AKAP12: variants seen among roughly 807,000 people sequenced by gnomAD.
AKAP12 encodes the protein A-kinase anchor protein 12.
In AKAP12, 32 loss-of-function variants were observed where a neutral mutation model predicts 79.9. The ratio of observed to expected loss-of-function variants is 0.40; its 90% CI spans 0.30 to 0.54. AKAP12 has a LOEUF of 0.54. Among genes scored for constraint, AKAP12 ranks in the 20% least tolerant of loss-of-function variants. AKAP12 has a pLI of 0.48. For missense variants in AKAP12, 2,074 were observed against 2,177.0 expected, an observed-to-expected ratio of 0.95 and a Z score of 0.94; for synonymous variants, 808 against 857.0, an observed-to-expected ratio of 0.94 and a Z score of 1.00.
At chr6:151,341,698 G>A in intron 3 of AKAP12, 1 of 1,247,668 alleles carries the variant, frequency 8.0e-7, no homozygotes, top group Non-Finnish European at 1.0e-6. Flanking sequence ...TGAGTAGCAC[G>A]TGCACCCAAG....
chr6:151,348,470 CT>C, intron 3 of AKAP12: 2 of 583,200 alleles, frequency 3.4e-6, no homozygotes, highest in Non-Finnish European at 6.3e-6. Context: ...GAGATCTCAT[CT>C]CTACAGAAAA....
intron 3 of AKAP12, among the ~76,000 whole-genome samples, chr6:151,339,651 T>C (rs7451577): frequency 0.28 from 42,133 of 152,056 alleles, 9,278 homozygotes; most frequent in African/African-American, 0.61. Flanking sequence ...TTCTGTGGAT[T>C]TGGGCCAATA....
At chr6:151,355,148 C>G (rs572726497) in intron 4 of AKAP12, among the ~76,000 whole-genome samples, 1 of 151,046 alleles carries the variant, frequency 6.6e-6, no homozygotes, top group Non-Finnish European at 1.5e-5. Context: ...GATAACACAC[C>G]ACCATGCCCA....
intron 2 of AKAP12, among the ~76,000 whole-genome samples, chr6:151,275,069 A>G (rs1484348535): frequency 2.6e-5 from 4 of 152,106 alleles, no homozygotes; most frequent in Non-Finnish European, 5.9e-5. Flanking sequence ...GCGCCACTGC[A>G]CTTCAGCCTG....
chr6:151,267,132 T>TA lies in AKAP12; in HGVS notation c.162+26417dup, dbSNP rs111825651. 4.7e-3 allele frequency among the ~76,000 whole-genome samples: 714 copies of TA among 150,564 alleles called. 4 individuals are homozygous for TA. The highest frequency in any genetic ancestry group is 0.013 in the African/African-American group (537 of 40,980). The stretch of plus-strand genomic sequence containing the variant: ...TTCATTTCTCTTTCTTGAGATTTTG[T>TA]AAAAAAAAACCAGCAGACAGATCAA... On this transcript the variant is annotated intron_variant, in intron 2 of 4. Transcript: ENST00000402676.
intron 2 of AKAP12, among the ~76,000 whole-genome samples, chr6:151,245,679 A>G (rs944585155): frequency 5.9e-5 from 9 of 151,480 alleles, no homozygotes; most frequent in Non-Finnish European, 8.8e-5. Flanking sequence ...AAAAAAAATC[A>G]AAAGCATGTG....
At position 151,264,499 on chromosome 6, in the gene AKAP12, C is replaced by T. The variant is rs1409068141; in HGVS notation, c.162+23775C>T. Among the ~76,000 whole-genome samples the T allele has an allele frequency of 1.3e-5, 2 of 151,108 alleles. 1 individual carries two copies. Among genetic ancestry groups the T allele is most frequent in the South Asian group, 4.2e-4 (2 of 4,780 alleles). Reference sequence around the variant, plus strand: ...CAGCTTGACCAACATGGAGAAACCCCGTCTCTACTAAAAATAGAAAAATTA... The same window carrying T: ...CAGCTTGACCAACATGGAGAAACCCTGTCTCTACTAAAAATAGAAAAATTA... On this transcript the variant is annotated intron_variant, in intron 2 of 4. Coordinates refer to ENST00000402676, the MANE Select transcript of AKAP12 (RefSeq NM_005100.4).
chr6:151,272,360 C>CA (rs1176544361), intron 2 of AKAP12, among the ~76,000 whole-genome samples: 10 of 124,038 alleles, frequency 8.1e-5, no homozygotes, highest in East Asian at 6.6e-4. Flanking sequence ...AAAAAAAAAA[C>CA]AAAAAAAACA....
At chr6:151,252,405 A>G (rs752686392) in intron 2 of AKAP12, among the ~76,000 whole-genome samples, 1 of 152,120 alleles carries the variant, frequency 6.6e-6, no homozygotes, top group Non-Finnish European at 1.5e-5. Context: ...TATGTTGGCC[A>G]GGCTGGTCTC....
At chr6:151,252,753 A>AAAG (rs1797208940) in intron 2 of AKAP12, among the ~76,000 whole-genome samples, 1 of 151,662 alleles carries the variant, frequency 6.6e-6, no homozygotes, top group South Asian at 2.1e-4. Flanking sequence ...AAAAAAAAAA[A>AAAG]AGATGAGAAA....
At chr6:151,252,266 T>C (rs1582833301) in intron 2 of AKAP12, among the ~76,000 whole-genome samples, 1 of 151,586 alleles carries the variant, frequency 6.6e-6, no homozygotes, top group Non-Finnish European at 1.5e-5. Context: ...CAGCGCGATC[T>C]CAGCTTACTG....
At chr6:151,240,129 TG>T (rs1045352641) in intron 1 of AKAP12, 70 bp downstream of exon 1, 1 of 158,684 alleles carries the variant, frequency 6.3e-6, no homozygotes, top group African/African-American at 2.4e-5. Context: ...CCTGCTCTCT[TG>T]CCTTCTGAGG....
intron 2 of AKAP12, among the ~76,000 whole-genome samples, chr6:151,270,286 A>G (rs1320085877): frequency 6.6e-6 from 1 of 152,168 alleles, no homozygotes; most frequent in African/African-American, 2.4e-5. Flanking sequence ...TTGAACTCGC[A>G]ACCTCAGGTG....
intron 2 of AKAP12, among the ~76,000 whole-genome samples, chr6:151,294,299 T>A (rs1183684847): frequency 3.3e-5 from 5 of 152,194 alleles, no homozygotes; most frequent in Non-Finnish European, 7.3e-5. Context: ...TCTATGAGGC[T>A]GTGAGTAGTG....
Position 151,352,816 on chromosome 6 carries a change from A to C in AKAP12, c.4425A>C (p.Thr1475=). ...AAHPGEDAVP[T]GPDCQAKSTP... is the part of the protein sequence containing the mutation. ...ATCCAGGGGAAGATGCTGTGCCCAC[A>C]GGGCCCGACTGTCAGGCAAAATCGA... The change falls in exon 4 of 5, where the codon ACA becomes ACC. Residue 1475 remains threonine (T), a synonymous_variant. Coordinates refer to ENST00000402676, the MANE Select transcript of AKAP12 (RefSeq NM_005100.4). 3.1e-6 allele frequency: 5 copies of C among 1,614,222 alleles called. No individual in the cohort carries two copies. Among genetic ancestry groups the C allele is most frequent in the Non-Finnish European group, 4.2e-6 (5 of 1,180,048 alleles).
chr6:151,356,877 A>G lies in AKAP12; in HGVS notation c.*1163A>G, dbSNP rs1033138214. ...TAAGCTAGAACTTTCTGATGTAGTC[A>G]TTACATGAAACCCCTTGTCACTGGT... On this transcript the variant is annotated 3_prime_UTR_variant, in exon 5 of 5. Transcript: ENST00000402676. 3.3e-5 allele frequency: 5 copies of G among 152,232 alleles called. No homozygotes were observed. The highest frequency in any genetic ancestry group is 1.2e-4 in the African/African-American group (5 of 41,464). 9.4% of individuals were successfully genotyped at this position (152,232 alleles called of 1,614,324 possible).
At chr6:151,280,764 C>T (rs1479334731) in intron 2 of AKAP12, among the ~76,000 whole-genome samples, 2 of 151,882 alleles carry the variant, frequency 1.3e-5, no homozygotes, top group Non-Finnish European at 1.5e-5. Flanking sequence ...CTTCAGCCCC[C>T]CGAGTAGCTA....
Position 151,341,785 on chromosome 6 carries a change from G to C in AKAP12, c.320-6926G>C, listed in dbSNP as rs757862230. On this transcript the variant is annotated intron_variant, in intron 3 of 4. Coordinates refer to ENST00000402676, the MANE Select transcript of AKAP12 (RefSeq NM_005100.4). ...CTGTCCCTTAGGACCGGCCCGAGAT[G>C]GGTGTGTGTGGGTTTTCCAGCCTCC... 9 of 1,286,826 alleles carry C rather than the reference G, an allele frequency of 7.0e-6. No homozygotes were observed. The South Asian group carries it at 1.1e-4, about 16-fold the overall frequency. 79.7% of individuals were successfully genotyped at this position (1,286,826 alleles called of 1,614,324 possible). A position where few individuals can be genotyped will look rare whatever the true frequency, so the allele number is the denominator to read the frequency against.
intron 3 of AKAP12, among the ~76,000 whole-genome samples, chr6:151,336,352 C>G (rs1353022994): frequency 6.6e-6 from 1 of 152,164 alleles, no homozygotes; most frequent in Non-Finnish European, 1.5e-5. Flanking sequence ...ATATTGTTTT[C>G]TATAGCTCTC....
Sources: allele counts gnomAD v4.1 joint callset (sites outside exome capture counted in the v4.1 genomes callset), GRCh38; gene constraint gnomAD v4.1.1; transcripts MANE v1.5; gene names NCBI Gene and HGNC (gene_info 2026-07-23, HGNC 2026-07-21).